DOP1B: variants seen among roughly 807,000 people sequenced by gnomAD.
DOP1B encodes DOP1 leucine zipper like protein B.
DOP1B carries 174 observed loss-of-function variants against 233.5 expected under a neutral mutation model. The ratio of observed to expected loss-of-function variants is 0.75; its 90% CI spans 0.66 to 0.85. The LOEUF (loss-of-function observed/expected upper bound fraction) is 0.85. Ranked by LOEUF, DOP1B falls within the 40% of genes least tolerant of loss-of-function variation. The pLI is 0.00. For synonymous variants in DOP1B, 1,190 were observed against 1,185.6 expected (o/e 1.00, Z -0.08); for missense variants, 2,652 against 2,846.6 (o/e 0.93, Z 1.56).
Position 36,288,110 on chromosome 21 carries a change from A to C in DOP1B, c.6257A>C (p.Gln2086Pro), listed in dbSNP as rs773056032. 4.3e-6 allele frequency: 7 copies of C among 1,614,036 alleles called. No individual in the cohort carries two copies. The South Asian group carries it at 7.7e-5, about 18-fold the overall frequency. Residue 2086 changes from glutamine (Q) to proline (P), a missense_variant, in exon 33 of 37, where the codon CAA (glutamine) becomes CCA (proline). By Grantham distance (76) the Gln-to-Pro change is moderately conservative. Around this residue, in one of 3 missense-constraint regions of DOP1B, gnomAD observed 2,617 missense variants for 2,794.3 expected, o/e 0.94. Coordinates refer to ENST00000691173, the MANE Select transcript of DOP1B (RefSeq NM_001320714.2). ...FRVLLLRISP[Q>P]HLTSLWPIMV... is the part of the protein sequence containing the mutation. ...GTTTTGCTGCTAAGAATATCTCCTC[A>C]ACATTTGACTTCATTGTGGCCAATA...
At chr21:36,240,077 G>C (rs1239340354) in intron 18 of DOP1B, 122 bp downstream of exon 18, 4 of 1,193,554 alleles carry the variant, frequency 3.4e-6, no homozygotes, top group Non-Finnish European at 4.5e-6. Context: ...ATGGTACTTT[G>C]TAAATTGTGA....
chr21:36,179,329 T>C (rs1194287554), intron 2 of DOP1B, among the ~76,000 whole-genome samples: 1 of 152,214 alleles, frequency 6.6e-6, no homozygotes, highest in Non-Finnish European at 1.5e-5. Flanking sequence ...GTATGAAAGC[T>C]CCAGTTCTCC....
rs149940851 is a variant in DOP1B at position 36,171,315 on chromosome 21, G to A, written c.138+6444G>A. Among the ~76,000 whole-genome samples, 298 of 152,278 alleles carry A rather than the reference G, an allele frequency of 2.0e-3. 2 individuals are homozygous for A. Among genetic ancestry groups the A allele is most frequent in the African/African-American group, 5.7e-3 (235 of 41,562 alleles). On this transcript the variant is annotated intron_variant, in intron 2 of 36. Transcript: ENST00000691173. ...GCGCAATTATTAGGCCCATTTTACC[G>A]ATGAAGGCTAACCTACTTGCCCAGT...
chr21:36,204,735 A>G (rs7279582), intron 4 of DOP1B, among the ~76,000 whole-genome samples: 29,720 of 144,948 alleles, frequency 0.21, 2,906 homozygotes, highest in Admixed American at 0.22. Flanking sequence ...GCTCACTGCA[A>G]CCTCCACCTC....
chr21:36,238,528 G>C (rs2066853245), intron 16 of DOP1B, 73 bp from the exon 17 acceptor site: 2 of 1,239,394 alleles, frequency 1.6e-6, no homozygotes, highest in Non-Finnish European at 2.4e-6. Context: ...TGTTTAAATG[G>C]GGTTTATGGT....
chr21:36,166,691 C>G (rs1003932950), intron 2 of DOP1B, among the ~76,000 whole-genome samples: 1 of 152,114 alleles, frequency 6.6e-6, no homozygotes, highest in East Asian at 1.9e-4. Flanking sequence ...AGCCCAAGTG[C>G]TAGGTGGGAG....
chr21:36,248,393 G>C lies in DOP1B; in HGVS notation c.4823G>C (p.Gly1608Ala). 6.2e-7 allele frequency: 1 copy of C among 1,613,720 alleles called. No individual in the cohort carries two copies. The highest frequency in any genetic ancestry group is 8.5e-7 in the Non-Finnish European group (1 of 1,179,884). The change falls in exon 21 of 37, where the codon GGT becomes GCT. Residue 1608 changes from glycine (G) to alanine (A), a missense_variant. By Grantham distance (60) the Gly-to-Ala change is moderately conservative. Transcript: ENST00000691173. ...ANQNKKTMAA[G>A]DPANLRNARN... is the part of the protein sequence containing the mutation. Reference sequence around the variant, plus strand: ...TTTAATTTTTAGACCATGGCTGCAGGTGATCCTGCCAACTTGAGGAATGCC... The same window carrying C: ...TTTAATTTTTAGACCATGGCTGCAGCTGATCCTGCCAACTTGAGGAATGCC...
At chr21:36,252,126 A>G (rs1454122307) in intron 22 of DOP1B, among the ~76,000 whole-genome samples, 1 of 151,918 alleles carries the variant, frequency 6.6e-6, no homozygotes, top group African/African-American at 2.4e-5. Flanking sequence ...GCAGTGAGCC[A>G]TGATTGTGCC....
chr21:36,254,262 G>C (rs568893716), intron 23 of DOP1B, among the ~76,000 whole-genome samples: 37 of 152,278 alleles, frequency 2.4e-4, no homozygotes, highest in African/African-American at 8.7e-4. Context: ...CAGCCATAAA[G>C]ATGCCAAAGA....
chr21:36,198,860 A>G (rs2066324446), intron 2 of DOP1B, among the ~76,000 whole-genome samples: 1 of 152,080 alleles, frequency 6.6e-6, no homozygotes, highest in Admixed American at 6.6e-5. Flanking sequence ...GCCACCTACT[A>G]AGAAAGTCCT....
intron 24 of DOP1B, among the ~76,000 whole-genome samples, chr21:36,262,637 C>T (rs2067183192): frequency 6.6e-6 from 1 of 152,070 alleles, no homozygotes; most frequent in African/African-American, 2.4e-5. Flanking sequence ...CTTGTAATCC[C>T]AGCACTTTGG....
intron 5 of DOP1B, among the ~76,000 whole-genome samples, chr21:36,210,632 G>A (rs967307062): frequency 5.9e-5 from 9 of 151,300 alleles, no homozygotes; most frequent in Non-Finnish European, 8.8e-5. Context: ...GTGTCAAAGC[G>A]AGACTCTGTC....
chr21:36,292,285 T>C, intron 36 of DOP1B, 52 bp downstream of exon 36: 5 of 1,443,602 alleles, frequency 3.5e-6, no homozygotes, highest in Non-Finnish European at 4.6e-6. Context: ...GAGACAGAGT[T>C]TCACTCGGCC....
At chr21:36,157,263 G>T (rs748218389) in intron 1 of DOP1B, among the ~76,000 whole-genome samples, 33 of 152,216 alleles carry the variant, frequency 2.2e-4, no homozygotes, top group Non-Finnish European at 3.8e-4. Flanking sequence ...CGAGCGGGGC[G>T]GCAGGTGCAG....
rs780286535 is a variant in DOP1B at position 36,237,217 on chromosome 21, C to A, written c.2623-45C>A. 6.2e-6 allele frequency: 10 copies of A among 1,612,908 alleles called. No homozygotes were observed. The South Asian group carries it at 1.1e-4, about 18-fold the overall frequency. On this transcript the variant is annotated intron_variant, in intron 15 of 36. Coordinates refer to ENST00000691173, the MANE Select transcript of DOP1B (RefSeq NM_001320714.2). ...GAGTGAGGATGTGAGCGGATGTTGC[C>A]TGTGTTGACCTGGTCCCCCACCGCC...
intron 7 of DOP1B, among the ~76,000 whole-genome samples, chr21:36,212,476 T>C (rs898052964): frequency 1.3e-5 from 2 of 152,138 alleles, no homozygotes; most frequent in African/African-American, 4.8e-5. Context: ...GGAAGATATG[T>C]AGATAAAGGA....
At chr21:36,289,614 C>T (rs910947001) in intron 35 of DOP1B, among the ~76,000 whole-genome samples, 6 of 152,072 alleles carry the variant, frequency 3.9e-5, no homozygotes, top group Admixed American at 2.6e-4. Context: ...CACTTTGCCC[C>T]ATAGGCTTAT....
At chr21:36,259,968 G>C (rs1216908190) in intron 23 of DOP1B, among the ~76,000 whole-genome samples, 1 of 151,980 alleles carries the variant, frequency 6.6e-6, no homozygotes, top group Non-Finnish European at 1.5e-5. Flanking sequence ...AGGGTTTTTG[G>C]GGAAGCTGTC....
intron 2 of DOP1B, among the ~76,000 whole-genome samples, chr21:36,194,324 C>T (rs993352817): frequency 6.6e-6 from 1 of 152,130 alleles, no homozygotes; most frequent in East Asian, 1.9e-4. Context: ...TATGCTTGAA[C>T]CTGTATGCTT....
Sources: allele counts gnomAD v4.1 joint callset (sites outside exome capture counted in the v4.1 genomes callset), GRCh38; gene constraint gnomAD v4.1.1; regional missense constraint gnomAD v4.1.1; transcripts MANE v1.5; gene names NCBI Gene and HGNC (gene_info 2026-07-23, HGNC 2026-07-21).